TMEM117: variants seen among roughly 807,000 people sequenced by gnomAD.
TMEM117 encodes transmembrane protein 117.
TMEM117 carries 27 observed loss-of-function variants against 52.4 expected under a neutral mutation model. The ratio of observed to expected loss-of-function variants is 0.51; its 90% CI spans 0.38 to 0.71. The LOEUF is 0.71. Among genes scored for constraint, TMEM117 ranks in the 30% least tolerant of loss-of-function variants. The pLI, the probability that TMEM117 is intolerant of heterozygous loss-of-function variation, is 0.00. For missense variants in TMEM117, 556 were observed against 630.5 expected (o/e 0.88, Z 1.26); for synonymous variants, 215 against 206.3 (o/e 1.04, Z -0.36).
chr12:43,844,195 C>T (rs1943161284), intron 1 of TMEM117, among the ~76,000 whole-genome samples: 1 of 152,156 alleles, frequency 6.6e-6, no homozygotes, highest in African/African-American at 2.4e-5. Flanking sequence ...GGCGTGGTGG[C>T]ACATGCCTGT....
intron 3 of TMEM117, among the ~76,000 whole-genome samples, chr12:44,117,347 T>G (rs1039714935): frequency 6.6e-6 from 1 of 152,180 alleles, no homozygotes; most frequent in Non-Finnish European, 1.5e-5. Flanking sequence ...GCATACTGTT[T>G]TTTTTTCTTT....
chr12:44,046,892 G>A (rs1194797472), intron 3 of TMEM117, among the ~76,000 whole-genome samples: 2 of 152,056 alleles, frequency 1.3e-5, no homozygotes, highest in Non-Finnish European at 2.9e-5. Flanking sequence ...GTTTCCAGTT[G>A]TATGAAGGAT....
chr12:44,038,867 A>C (rs1221585053), intron 3 of TMEM117, among the ~76,000 whole-genome samples: 1 of 152,202 alleles, frequency 6.6e-6, no homozygotes, highest in Admixed American at 6.5e-5. Flanking sequence ...CATTTCAAAC[A>C]CATGTAAAAG....
intron 5 of TMEM117, among the ~76,000 whole-genome samples, chr12:44,221,789 C>T (rs1413460687): frequency 1.3e-5 from 2 of 151,982 alleles, no homozygotes; most frequent in Non-Finnish European, 2.9e-5. Flanking sequence ...ACCTCCATCT[C>T]CCAGGCTCAA....
the TMEM117 span, among the ~76,000 whole-genome samples, chr12:43,813,478 C>T: frequency 1.3e-5 from 2 of 151,976 alleles, no homozygotes; most frequent in Middle Eastern, 3.4e-3. Flanking sequence ...CTACTGGCTT[C>T]GGCCTCCCAA....
At chr12:43,915,708 AAAAG>A (rs1044092068) in intron 2 of TMEM117, among the ~76,000 whole-genome samples, 2 of 152,142 alleles carry the variant, frequency 1.3e-5, no homozygotes, top group African/African-American at 4.8e-5. Context: ...AAGAGGAAGA[AAAAG>A]AAAGGAGGGG....
chr12:44,266,524 A>G (rs772100004), intron 5 of TMEM117, among the ~76,000 whole-genome samples: 32 of 152,138 alleles, frequency 2.1e-4, no homozygotes, highest in Admixed American at 1.3e-4. Flanking sequence ...CATATAAGGC[A>G]CATATCTGAT....
At chr12:44,272,926 G>GT (rs1421903270) in intron 5 of TMEM117, among the ~76,000 whole-genome samples, 1 of 152,164 alleles carries the variant, frequency 6.6e-6, no homozygotes, top group Non-Finnish European at 1.5e-5. Flanking sequence ...GCACACGTAT[G>GT]TTTATTGTGG....
chr12:44,095,137 A>G (rs950760449), intron 3 of TMEM117, among the ~76,000 whole-genome samples: 2 of 152,116 alleles, frequency 1.3e-5, no homozygotes, highest in Non-Finnish European at 2.9e-5. Context: ...TGTAAGGGAA[A>G]GGACACTTGT....
chr12:43,846,056 A>AT (rs1465939033), intron 2 of TMEM117, among the ~76,000 whole-genome samples: 1 of 151,982 alleles, frequency 6.6e-6, no homozygotes, highest in Non-Finnish European at 1.5e-5. Flanking sequence ...TTTTACACAT[A>AT]TTGTTCATTC....
chr12:44,132,483 C>T (rs1414849828), intron 3 of TMEM117, among the ~76,000 whole-genome samples: 24 of 152,032 alleles, frequency 1.6e-4, no homozygotes. Flanking sequence ...TCATTTTTCT[C>T]TTTCATTCCT....
At chr12:44,240,270 T>G (rs998926511) in intron 5 of TMEM117, among the ~76,000 whole-genome samples, 4 of 152,144 alleles carry the variant, frequency 2.6e-5, no homozygotes, top group African/African-American at 9.6e-5. Context: ...AGTTTGAATC[T>G]TCACATTCCA....
chr12:44,234,616 CCTT>C (rs1949972308), intron 5 of TMEM117, among the ~76,000 whole-genome samples: 1 of 150,984 alleles, frequency 6.6e-6, no homozygotes, highest in African/African-American at 2.4e-5. Flanking sequence ...TTTTAATTCT[CCTT>C]ATTTCCTACA....
intron 4 of TMEM117, among the ~76,000 whole-genome samples, chr12:44,184,405 G>A (rs1949248274): frequency 6.6e-6 from 1 of 152,122 alleles, no homozygotes; most frequent in African/African-American, 2.4e-5. Flanking sequence ...TGAGCCCACT[G>A]TGATCACATA....
chr12:43,860,295 T>A (rs1055001710), intron 2 of TMEM117, among the ~76,000 whole-genome samples: 3 of 151,904 alleles, frequency 2.0e-5, no homozygotes, highest in African/African-American at 7.3e-5. Context: ...GGAGCCTTAA[T>A]GATATAGGAC....
At chr12:44,155,764 G>A (rs1268597508) in intron 4 of TMEM117, among the ~76,000 whole-genome samples, 1 of 152,082 alleles carries the variant, frequency 6.6e-6, no homozygotes, top group Non-Finnish European at 1.5e-5. Flanking sequence ...CTAATGCAAA[G>A]TAGGATATAA....
intron 6 of TMEM117, among the ~76,000 whole-genome samples, chr12:44,337,557 C>T (rs954465117): frequency 2.6e-5 from 4 of 151,932 alleles, no homozygotes; most frequent in South Asian, 2.1e-4. Flanking sequence ...CAGTGACCCA[C>T]GCCCTTCATC....
intron 2 of TMEM117, among the ~76,000 whole-genome samples, chr12:43,849,052 AG>A (rs1485182395): frequency 1.3e-5 from 2 of 152,264 alleles, no homozygotes; most frequent in South Asian, 2.1e-4. Flanking sequence ...TTAGAGAGTG[AG>A]TCCTAAAGTG....
intron 4 of TMEM117, among the ~76,000 whole-genome samples, chr12:44,191,944 G>A (rs1335602805): frequency 6.6e-6 from 1 of 152,054 alleles, no homozygotes; most frequent in Non-Finnish European, 1.5e-5. Flanking sequence ...TAGACATTTT[G>A]TAAATCCTAT....
Sources: gnomAD v4.1 joint callset for allele counts (sites outside exome capture counted in the v4.1 genomes callset) on GRCh38, gnomAD v4.1.1 for gene constraint, MANE v1.5 for transcripts, NCBI Gene and HGNC (gene_info 2026-07-23, HGNC 2026-07-21) for gene names.